VGLL4: variants seen among roughly 807,000 people sequenced by gnomAD.
The protein encoded by VGLL4 is vestigial like family member 4, also known as transcription cofactor vestigial-like protein 4.
Under a neutral mutation model 21.0 loss-of-function variants are expected in VGLL4, and 7 were observed. The observed-to-expected ratio is 0.33, with a 90% confidence interval of 0.19 to 0.63. The LOEUF (loss-of-function observed/expected upper bound fraction) is 0.63. Ranked by LOEUF, VGLL4 falls within the 20% of genes least tolerant of loss-of-function variation. The probability of loss-of-function intolerance (pLI) is 0.78; values close to 1 mark genes in which losing one functional copy is unlikely to be tolerated. For missense variants in VGLL4, 394 were observed against 425.7 expected (o/e 0.93, Z 0.66); for synonymous variants, 222 against 173.2 (o/e 1.28, Z -2.21).
rs775415280 is a variant in VGLL4, at chr3:11,564,828, G to A, written c.464C>T (p.Ser155Leu). 218 of 1,590,226 alleles carry A rather than the reference G, an allele frequency of 1.4e-4. No individual in the cohort carries two copies. The highest frequency in any genetic ancestry group is 1.7e-4 in the Non-Finnish European group (204 of 1,170,022). The stretch of plus-strand genomic sequence containing the variant: ...CCGCTCCCCCGGGGTCAGTGTGGGC[G>A]AGAGGCCGGCTGGCCTGCTGGCGTC... The part of the protein sequence containing the change: ...SLDASRPAGL[S>L]PTLTPGERQQ... The change falls in exon 3 of 5, where the codon TCG becomes TTG. Residue 155 changes from serine (S) to leucine (L), a missense_variant. By Grantham distance (145) the Ser-to-Leu change is moderately radical. Coordinates refer to ENST00000430365, the MANE Select transcript of VGLL4 (RefSeq NM_001128219.3).
At chr3:11,650,559 C>T (rs760964781) in intron 2 of VGLL4, among the ~76,000 whole-genome samples, 15 of 152,168 alleles carry the variant, frequency 9.9e-5, no homozygotes, top group Non-Finnish European at 1.6e-4. Flanking sequence ...CATAACATCT[C>T]CAAATACCAC....
chr3:11,589,352 T>C (rs1246198705), intron 2 of VGLL4, among the ~76,000 whole-genome samples: 1 of 152,068 alleles, frequency 6.6e-6, no homozygotes, highest in Admixed American at 6.5e-5. Flanking sequence ...GTTTCCTCAA[T>C]TTCTCTGGCC....
intron 1 of VGLL4, among the ~76,000 whole-genome samples, chr3:11,623,931 G>A (rs2075309175): frequency 6.6e-6 from 1 of 151,620 alleles, no homozygotes; most frequent in Non-Finnish European, 1.5e-5. Context: ...TTGTAGAGAT[G>A]GGGTTTTACC....
intron 2 of VGLL4, among the ~76,000 whole-genome samples, chr3:11,658,739 G>A (rs2075992209): frequency 6.6e-6 from 1 of 151,774 alleles, no homozygotes; most frequent in Admixed American, 6.6e-5. Context: ...AGTTAATATT[G>A]AACAAAAAGA....
chr3:11,681,455 TC>T (rs1385632946), intron 2 of VGLL4, among the ~76,000 whole-genome samples: 2 of 152,182 alleles, frequency 1.3e-5, no homozygotes, highest in African/African-American at 4.8e-5. Context: ...TTAAGTAGGC[TC>T]GGCGTTGGGA....
intron 2 of VGLL4, among the ~76,000 whole-genome samples, chr3:11,573,888 G>T (rs1019355094): frequency 6.6e-6 from 1 of 152,198 alleles, no homozygotes; most frequent in Non-Finnish European, 1.5e-5. Flanking sequence ...TTATGAGGGC[G>T]TGCTCTAATC....
At chr3:11,558,851 C>T (rs771520677) in intron 4 of VGLL4, 24 bp from the exon 5 acceptor site, 1 of 1,606,714 alleles carries the variant, frequency 6.2e-7, no homozygotes, top group Non-Finnish European at 8.5e-7. Context: ...GGAAGGCAGG[C>T]AGTCAGACAC....
chr3:11,582,400 G>C, intron 2 of VGLL4: 1 of 1,546,276 alleles, frequency 6.5e-7, no homozygotes, highest in South Asian at 1.2e-5. Context: ...ATGGGCGGGC[G>C]CTTGTCAGAA....
At chr3:11,661,742 G>C (rs2076042786) in intron 2 of VGLL4, among the ~76,000 whole-genome samples, 1 of 152,138 alleles carries the variant, frequency 6.6e-6, no homozygotes, top group Non-Finnish European at 1.5e-5. Flanking sequence ...AAAGTGCTGA[G>C]ATTACAGGTG....
intron 2 of VGLL4, among the ~76,000 whole-genome samples, chr3:11,664,952 G>A (rs2076094696): frequency 1.3e-5 from 2 of 151,238 alleles, no homozygotes; most frequent in African/African-American, 4.9e-5. Flanking sequence ...TTTGAGATAA[G>A]GTCTGGCTCT....
At chr3:11,616,413 C>G (rs1054812336) in intron 1 of VGLL4, among the ~76,000 whole-genome samples, 6 of 152,222 alleles carry the variant, frequency 3.9e-5, no homozygotes, top group Non-Finnish European at 2.9e-5. Flanking sequence ...GGCTAGGAAG[C>G]CTTCAGGCCA....
At chr3:11,675,981 G>A (rs7636807) in intron 2 of VGLL4, among the ~76,000 whole-genome samples, 81,923 of 152,050 alleles carry the variant, frequency 0.54, 22,962 homozygotes, top group Non-Finnish European at 0.63. Context: ...ACTTTATCAT[G>A]TTTTATTCTT....
At chr3:11,632,074 G>C (rs569889506) in intron 1 of VGLL4, among the ~76,000 whole-genome samples, 1 of 152,266 alleles carries the variant, frequency 6.6e-6, no homozygotes, top group Admixed American at 6.5e-5. Flanking sequence ...TGTCATCCCA[G>C]CACTTTGGGC....
chr3:11,581,727 A>G (rs2074233421), intron 2 of VGLL4, among the ~76,000 whole-genome samples: 1 of 152,208 alleles, frequency 6.6e-6, no homozygotes, highest in Non-Finnish European at 1.5e-5. Flanking sequence ...CTGAGGTCAA[A>G]CCCTCCAGAC....
chr3:11,624,575 A>G lies in VGLL4; in HGVS notation c.82+18862T>C, dbSNP rs113964399. Among the ~76,000 whole-genome samples the G allele has an allele frequency of 3.0e-3, 460 of 152,218 alleles. 4 individuals are homozygous for G. The highest frequency in any genetic ancestry group is 0.01 in the African/African-American group (418 of 41,524). On this transcript the variant is annotated intron_variant, in intron 1 of 4. Coordinates refer to ENST00000430365, the MANE Select transcript of VGLL4 (RefSeq NM_001128219.3). ...TGAGAGATCAGGGACTTCATTAAGTAACCCTCCCATGCCTCAGTTTCCCCA... is the reference window on the plus strand; with the variant it reads ...TGAGAGATCAGGGACTTCATTAAGTGACCCTCCCATGCCTCAGTTTCCCCA...
Position 11,671,401 on chromosome 3 carries a change from G to C in VGLL4, c.64+31570C>G, listed in dbSNP as rs553608532. ...AACAAGTTCCCAGGTGACGCTGTGG[G>C]CCACATGTAAGTAACAAAGAGGTAG... On this transcript the variant is annotated intron_variant, in intron 2 of 5. Coordinates refer to the VGLL4 transcript ENST00000273038. 3.7e-5 allele frequency: 31 copies of C among 844,462 alleles called. No homozygotes were observed. The South Asian group carries it at 3.7e-4, about 10-fold the overall frequency. 52.3% of individuals were successfully genotyped at this position (844,462 alleles called of 1,614,324 possible).
chr3:11,660,317 C>T (rs982978273), intron 2 of VGLL4, among the ~76,000 whole-genome samples: 4 of 152,162 alleles, frequency 2.6e-5, no homozygotes, highest in African/African-American at 9.7e-5. Flanking sequence ...GATAATGATA[C>T]AGCCTGACCA....
At chr3:11,720,086 G>A (rs2076973526) in intron 1 of VGLL4, among the ~76,000 whole-genome samples, 1 of 152,042 alleles carries the variant, frequency 6.6e-6, no homozygotes, top group Non-Finnish European at 1.5e-5. Context: ...CCGGGGGACA[G>A]CGCACGGGAC....
chr3:11,571,879 G>A (rs888498414), intron 2 of VGLL4, among the ~76,000 whole-genome samples: 2 of 152,056 alleles, frequency 1.3e-5, no homozygotes, highest in African/African-American at 2.4e-5. Context: ...GGCCGAGGCC[G>A]GCAGATGGCT....
Sources: gnomAD v4.1 joint callset for allele counts (sites outside exome capture counted in the v4.1 genomes callset) on GRCh38, gnomAD v4.1.1 for gene constraint, MANE v1.5 for transcripts, NCBI Gene and HGNC (gene_info 2026-07-23, HGNC 2026-07-21) for gene names.